The following AP3M2 variants were observed in gnomAD, a reference collection of about 807,000 sequenced individuals.
AP3M2 encodes adaptor related protein complex 3 subunit mu 2.
AP3M2 carries 28 observed loss-of-function variants against 41.6 expected under a neutral mutation model. That is an observed-to-expected ratio of 0.67 (90% confidence interval 0.50 to 0.92). The LOEUF is 0.92. Among genes scored for constraint, AP3M2 ranks in the 40% least tolerant of loss-of-function variants. The probability of loss-of-function intolerance (pLI) is 0.00; values close to 1 mark genes in which losing one functional copy is unlikely to be tolerated. For missense variants in AP3M2, 427 were observed against 521.4 expected, an observed-to-expected ratio of 0.82 and a Z score of 1.76; for synonymous variants, 193 against 186.4, an observed-to-expected ratio of 1.04 and a Z score of -0.29.
chr8:42,160,040 T>C (rs1250814212), intron 3 of AP3M2, among the ~76,000 whole-genome samples: 5 of 152,202 alleles, frequency 3.3e-5, no homozygotes, highest in African/African-American at 4.8e-5. Flanking sequence ...ATATCAGATA[T>C]ATTACAGGTT....
intron 2 of AP3M2, among the ~76,000 whole-genome samples, chr8:42,155,499 C>T (rs1405609929): frequency 6.6e-6 from 1 of 152,106 alleles, no homozygotes; most frequent in Admixed American, 6.5e-5. Flanking sequence ...TGGGAAATCT[C>T]ATGTGCCTGT....
intron 2 of AP3M2, chr8:42,156,000 G>T (rs1774075334): frequency 2.2e-6 from 1 of 456,226 alleles, no homozygotes; most frequent in Non-Finnish European, 4.4e-6. Flanking sequence ...TGGAATTTCA[G>T]TTCTCATGCA....
rs766137566 is a variant in AP3M2, at chr8:42,168,955, T to A, written c.1157-6T>A. On this transcript the variant is annotated splice_region_variant and splice_polypyrimidine_tract_variant and intron_variant, in intron 8 of 8. Transcript: ENST00000396926. The stretch of plus-strand genomic sequence containing the variant: ...TGTCTATTTTCCCTCTCTCCCTCCT[T>A]TCTAGGACTCAAGGTGAATCGTCTG... 19 of 1,595,422 alleles carry A rather than the reference T, an allele frequency of 1.2e-5. No homozygotes were observed. Among genetic ancestry groups the A allele is most frequent in the Non-Finnish European group, 1.6e-5 (19 of 1,171,388 alleles).
intron 3 of AP3M2, among the ~76,000 whole-genome samples, chr8:42,161,159 C>A (rs559160857): frequency 5.3e-5 from 8 of 152,128 alleles, no homozygotes; most frequent in Middle Eastern, 3.4e-3. Flanking sequence ...AAAAATTAGC[C>A]AAGCATGGTG....
intron 2 of AP3M2, chr8:42,155,948 A>AT (rs1323930542): frequency 4.4e-6 from 2 of 455,258 alleles, no homozygotes; most frequent in South Asian, 3.1e-5. Flanking sequence ...ATTAAAATAC[A>AT]TTTTTTGTTT....
At chr8:42,168,542 C>T (rs1297661768) in intron 8 of AP3M2, among the ~76,000 whole-genome samples, 2 of 152,158 alleles carry the variant, frequency 1.3e-5, no homozygotes, top group African/African-American at 4.8e-5. Flanking sequence ...ATATTCTTGG[C>T]TTAGTCTAGT....
intron 3 of AP3M2, among the ~76,000 whole-genome samples, chr8:42,159,104 A>G (rs879436636): frequency 6.6e-6 from 1 of 152,088 alleles, no homozygotes; most frequent in Non-Finnish European, 1.5e-5. Context: ...CTTCATTTTT[A>G]ATAATTTATA....
rs1429342426 is a variant in AP3M2, at chr8:42,169,078, G to A, written c.*17G>A. 3.8e-6 allele frequency: 6 copies of A among 1,576,970 alleles called. No individual in the cohort carries two copies. Among genetic ancestry groups the A allele is most frequent in the Non-Finnish European group, 5.2e-6 (6 of 1,152,540 alleles). On this transcript the variant is annotated 3_prime_UTR_variant, in exon 9 of 9. Coordinates refer to ENST00000396926, the MANE Select transcript of AP3M2 (RefSeq NM_006803.4). ...CGAACCTGAAGGGAGCATTTGCTGA[G>A]GGAATAGTCTTGCACATTTTTTCAT...
At chr8:42,157,485 C>G (rs1019890616) in intron 2 of AP3M2, among the ~76,000 whole-genome samples, 1 of 152,126 alleles carries the variant, frequency 6.6e-6, no homozygotes, top group Admixed American at 6.5e-5. Context: ...TAGCTTGTCC[C>G]CTTCATTTCA....
At chr8:42,153,564 A>C (rs1315065873) in intron 1 of AP3M2, 2 of 151,710 alleles carry the variant, frequency 1.3e-5, no homozygotes, top group South Asian at 2.1e-4. Context: ...CGTTTTGACC[A>C]CCCGCGCCGG....
At chr8:42,155,815 G>A in intron 2 of AP3M2, 1 of 329,382 alleles carries the variant, frequency 3.0e-6, no homozygotes. Flanking sequence ...CACTGGAATT[G>A]TGGAATTGGA....
intron 3 of AP3M2, among the ~76,000 whole-genome samples, chr8:42,159,650 C>T (rs1473468994): frequency 6.6e-6 from 1 of 152,122 alleles, no homozygotes; most frequent in African/African-American, 2.4e-5. Flanking sequence ...TTCTTACAGT[C>T]TATCACTTGT....
chr8:42,157,202 G>A (rs928254074), intron 2 of AP3M2, among the ~76,000 whole-genome samples: 5 of 152,312 alleles, frequency 3.3e-5, no homozygotes, highest in East Asian at 1.9e-4. Flanking sequence ...ATTCATGAGC[G>A]TTAGTGTTTA....
rs527820262 is a variant in AP3M2, at chr8:42,163,418, A to G, written c.583+1000A>G. On this transcript the variant is annotated intron_variant, in intron 4 of 8. Coordinates refer to ENST00000396926, the MANE Select transcript of AP3M2 (RefSeq NM_006803.4). ...CTAGATAGTGGGCACTTGATGATGA[A>G]TAAGACATAGTCTATGGCTGCAGAA... Among the ~76,000 whole-genome samples, 18 of 152,368 alleles carry G rather than the reference A, an allele frequency of 1.2e-4. 1 individual carries two copies. In the South Asian group the frequency reaches 3.7e-3, roughly 32 times the overall value.
intron 6 of AP3M2, 181 bp from the exon 7 acceptor site, chr8:42,166,983 C>G: frequency 1.7e-6 from 1 of 602,164 alleles, no homozygotes; most frequent in East Asian, 2.8e-5. Context: ...TAGACAGTAG[C>G]TTTTCAAAAA....
chr8:42,168,098 G>A (rs1026521347), intron 8 of AP3M2: 1 of 557,350 alleles, frequency 1.8e-6, no homozygotes, highest in African/African-American at 1.9e-5. Context: ...TCATCTTAGG[G>A]TTGTTCATTT....
In AP3M2 at chr8:42,154,791, C is replaced by T. The variant is rs149242459; in HGVS notation, c.104C>T (p.Ala35Val). 19 of 1,613,928 alleles carry T rather than the reference C, an allele frequency of 1.2e-5. No individual in the cohort carries two copies. The highest frequency in any genetic ancestry group is 2.2e-5 in the East Asian group (1 of 44,892). ...TCTGTTTGTGATTACTTTTTTGAGG[C>T]GCAAGAGAGAGCTACTGAGGCAGAA... ...SRSVCDYFFE[A>V]QERATEAENV... The change falls in exon 2 of 9, where the codon GCG becomes GTG. Residue 35 changes from alanine (A) to valine (V), a missense_variant. This residue lies in a region of AP3M2 where 104 missense variants were observed against 93.8 expected (regional missense o/e 1.11). Transcript: ENST00000396926.
At position 42,165,061 on chromosome 8, in the gene AP3M2, C is replaced by T. The variant is rs777357730; in HGVS notation, c.584-10C>T. On this transcript the variant is annotated splice_polypyrimidine_tract_variant and intron_variant, in intron 4 of 8. Transcript: ENST00000396926. ...TAATCTGTGTTCTTTTTGTCTTATT[C>T]CTGTCTCAGGCTCCACAATTACTGC... is the stretch of plus-strand genomic sequence containing the variant. The T allele has an allele frequency of 1.9e-6, 3 of 1,609,946 alleles. No individual in the cohort carries two copies. The highest frequency in any genetic ancestry group is 2.5e-6 in the Non-Finnish European group (3 of 1,178,214).
chr8:42,155,026 G>T, intron 2 of AP3M2, 66 bp downstream of exon 2: 1 of 1,317,414 alleles, frequency 7.6e-7, no homozygotes. Context: ...TGTTTCCATT[G>T]TGTAAAGCCT....
Sources: allele counts gnomAD v4.1 joint callset (sites outside exome capture counted in the v4.1 genomes callset), GRCh38; gene constraint gnomAD v4.1.1; regional missense constraint gnomAD v4.1.1; transcripts MANE v1.5; gene names NCBI Gene and HGNC (gene_info 2026-07-23, HGNC 2026-07-21).